Variants in TIAM1 observed in about 807,000 individuals in gnomAD.
The protein encoded by TIAM1 is rho guanine nucleotide exchange factor TIAM1.
TIAM1 carries 65 observed loss-of-function variants against 163.5 expected under a neutral mutation model. That is an observed-to-expected ratio of 0.40 (90% CI 0.33 to 0.49). The LOEUF is 0.49. Among genes scored for constraint, TIAM1 ranks in the 20% least tolerant of loss-of-function variants. The pLI is 0.77. For synonymous variants in TIAM1, 833 were observed against 810.1 expected (o/e 1.03, Z -0.48); for missense variants, 1,789 against 2,044.7 (o/e 0.87, Z 2.41).
At chr21:31,255,844 C>T (rs1053139872) in intron 4 of TIAM1, among the ~76,000 whole-genome samples, 6 of 152,148 alleles carry the variant, frequency 3.9e-5, no homozygotes, top group Admixed American at 6.5e-5. Context: ...AAGAGATTTC[C>T]GATCATGAAC....
intron 1 of TIAM1, among the ~76,000 whole-genome samples, chr21:31,526,419 G>A (rs2047786971): frequency 6.6e-6 from 1 of 152,170 alleles, no homozygotes; most frequent in African/African-American, 2.4e-5. Context: ...ATGCTCAGGG[G>A]CTCCATGAGC....
chr21:31,412,496 A>G (rs1176430496), intron 2 of TIAM1, among the ~76,000 whole-genome samples: 2 of 152,028 alleles, frequency 1.3e-5, no homozygotes, highest in African/African-American at 2.4e-5. Flanking sequence ...TATAAGGTGC[A>G]CGAAGCCAGG....
intron 2 of TIAM1, among the ~76,000 whole-genome samples, chr21:31,430,854 T>C (rs996276931): frequency 2.0e-5 from 3 of 152,218 alleles, no homozygotes; most frequent in Non-Finnish European, 4.4e-5. Flanking sequence ...TTTGTATATA[T>C]GTAACAGAAT....
intron 1 of TIAM1, among the ~76,000 whole-genome samples, chr21:31,554,729 A>C (rs1172075395): frequency 6.6e-6 from 1 of 151,968 alleles, no homozygotes; most frequent in Non-Finnish European, 1.5e-5. Context: ...CCACCTCTGC[A>C]ATCCTTTCAG....
chr21:31,191,166 CTTTTT>C (rs942768408), intron 13 of TIAM1, among the ~76,000 whole-genome samples: 4 of 149,518 alleles, frequency 2.7e-5, no homozygotes, highest in East Asian at 2.0e-4. Flanking sequence ...CTTTTCTTTT[CTTTTT>C]TTTTTCTTTG....
rs766626565 is a variant in TIAM1, at chr21:31,141,111, C to A, written c.3774+7G>T. Reference sequence around the variant, plus strand: ...GACAGATGTCCTGAGAAGATGGGGACCCTCACCTCTTTTTTCTCACCAGTC... The same window carrying A: ...GACAGATGTCCTGAGAAGATGGGGAACCTCACCTCTTTTTTCTCACCAGTC... On this transcript the variant is annotated splice_region_variant and intron_variant, in intron 22 of 27. Coordinates refer to ENST00000541036, the MANE Select transcript of TIAM1 (RefSeq NM_001353694.2). The surrounding 1 kb of genome is among the most constrained non-coding windows in gnomAD (Gnocchi z 4.7). The A allele has an allele frequency of 1.9e-6, 3 of 1,603,752 alleles. No homozygotes were observed. The East Asian group carries it at 6.7e-5, about 36-fold the overall frequency.
chr21:31,496,400 A>T (rs2046642344), intron 1 of TIAM1, among the ~76,000 whole-genome samples: 1 of 26,454 alleles, frequency 3.8e-5, no homozygotes, highest in Non-Finnish European at 7.2e-5. Flanking sequence ...AATCCAGGAG[A>T]CGAAGTTTGC....
At chr21:31,195,686 C>G (rs1424750775) in intron 12 of TIAM1, among the ~76,000 whole-genome samples, 1 of 152,188 alleles carries the variant, frequency 6.6e-6, no homozygotes, top group Admixed American at 6.5e-5. Context: ...TAAGATAAAT[C>G]TCTATGCTTC....
Position 31,269,670 on chromosome 21 carries a change from TG to T in TIAM1, c.-11-2688del, listed in dbSNP as rs534445028. Among the ~76,000 whole-genome samples, 26 of 131,300 alleles carry T rather than the reference TG, an allele frequency of 2.0e-4. 1 individual carries two copies. The highest frequency in any genetic ancestry group is 1.5e-3 in the East Asian group (6 of 3,896). 86.1% of individuals were successfully genotyped at this position (131,300 alleles called of 152,430 possible). Reference sequence around the variant, plus strand: ...AAAGTTGGTGAACTTTAAGTTTGTTTGTTTTTTTTTTTTTTTTTTGAGACGG... The same window carrying T: ...AAAGTTGGTGAACTTTAAGTTTGTTTTTTTTTTTTTTTTTTTTTGAGACGG... On this transcript the variant is annotated intron_variant, in intron 3 of 27. Transcript: ENST00000541036.
At chr21:31,492,992 A>T (rs1271534256) in intron 1 of TIAM1, among the ~76,000 whole-genome samples, 2 of 148,858 alleles carry the variant, frequency 1.3e-5, no homozygotes, top group East Asian at 1.9e-4. Flanking sequence ...TTTTTTTTTT[A>T]AATGAAGTCG....
intron 2 of TIAM1, among the ~76,000 whole-genome samples, chr21:31,350,784 C>T (rs2147116116): frequency 6.6e-6 from 1 of 152,314 alleles, no homozygotes; most frequent in Middle Eastern, 3.4e-3. Context: ...TTATAAATTA[C>T]CCAGTGTCAG....
intron 1 of TIAM1, among the ~76,000 whole-genome samples, chr21:31,494,854 T>C (rs57228046): frequency 0.06 from 9,084 of 150,512 alleles, 498 homozygotes; most frequent in Admixed American, 0.16. Context: ...AAAAAAGGAG[T>C]CCTAAAAATT....
chr21:31,504,367 C>G (rs2046960253), intron 1 of TIAM1, among the ~76,000 whole-genome samples: 1 of 152,124 alleles, frequency 6.6e-6, no homozygotes, highest in African/African-American at 2.4e-5. Context: ...AATTCATTCC[C>G]CGATACTTTT....
At chr21:31,473,664 G>A (rs940935702) in intron 1 of TIAM1, among the ~76,000 whole-genome samples, 7 of 151,926 alleles carry the variant, frequency 4.6e-5, no homozygotes, top group African/African-American at 1.2e-4. Flanking sequence ...GAAAACAACC[G>A]GAAGTGGAGA....
chr21:31,498,497 C>T (rs2046739833), intron 1 of TIAM1, among the ~76,000 whole-genome samples: 1 of 152,228 alleles, frequency 6.6e-6, no homozygotes, highest in African/African-American at 2.4e-5. Context: ...GCCAAGATCC[C>T]GGCTCCATGA....
At chr21:31,241,290 T>C (rs1171289186) in intron 6 of TIAM1, among the ~76,000 whole-genome samples, 1 of 152,274 alleles carries the variant, frequency 6.6e-6, no homozygotes, top group East Asian at 1.9e-4. Context: ...TCCCAAGAAG[T>C]TCCTAAGCTC....
intron 11 of TIAM1, among the ~76,000 whole-genome samples, chr21:31,209,462 C>T (rs764145226): frequency 1.4e-4 from 21 of 152,114 alleles, no homozygotes; most frequent in Non-Finnish European, 2.8e-4. Context: ...AATCATTTGT[C>T]ATGTTTCTAA....
rs1304755312 is a variant in TIAM1, at chr21:31,213,434, T to A, written c.2181A>T (p.Leu727Phe). ...GAACAATGTCATCAAATATTCCCTC[T>A]AAAGATTTCTTTACAGCTTCGGTTC... ...GEGTEAVKKS[L>F]EGIFDDIVPD... Residue 727 changes from leucine to phenylalanine, a missense_variant, in exon 10 of 28, where the codon TTA (leucine) becomes TTT (phenylalanine). Coordinates refer to ENST00000541036, the MANE Select transcript of TIAM1 (RefSeq NM_001353694.2). 6.2e-7 allele frequency: 1 copy of A among 1,612,716 alleles called. No individual in the cohort carries two copies. Among genetic ancestry groups the A allele is most frequent in the East Asian group, 2.2e-5 (1 of 44,868 alleles).
intron 19 of TIAM1, among the ~76,000 whole-genome samples, chr21:31,148,962 C>T (rs79676037): frequency 0.27 from 8,436 of 30,934 alleles, 348 homozygotes; most frequent in African/African-American, 0.36. Context: ...TTTTCTTTTT[C>T]TTTTTTTTTT....
Sources: allele counts gnomAD v4.1 joint callset (sites outside exome capture counted in the v4.1 genomes callset), GRCh38; gene constraint gnomAD v4.1.1; non-coding constraint Gnocchi (gnomAD v3.1); transcripts MANE v1.5; gene names NCBI Gene and HGNC (gene_info 2026-07-23, HGNC 2026-07-21).